LY96: variants seen among roughly 807,000 people sequenced by gnomAD.
LY96 encodes myeloid differentiation protein-2.
A neutral mutation model predicts 18.9 loss-of-function variants in LY96; 18 were observed. The observed-to-expected ratio is 0.95, with a 90% confidence interval of 0.66 to 1.41. The LOEUF is 1.41. Ranked by LOEUF, LY96 falls within the 40% of genes most tolerant of loss-of-function variation. The pLI is 0.00. For synonymous variants in LY96, 66 were observed against 62.6 expected (o/e 1.06, Z -0.26); for missense variants, 175 against 182.4 (o/e 0.96, Z 0.23).
the LY96 span, among the ~76,000 whole-genome samples, chr8:74,060,425 C>T: frequency 2.0e-5 from 3 of 152,200 alleles, no homozygotes; most frequent in Non-Finnish European, 4.4e-5. Context: ...GACTTTCAGT[C>T]GGGGTAATTA....
chr8:74,068,077 A>T, the LY96 span, among the ~76,000 whole-genome samples: 10 of 98,492 alleles, frequency 1.0e-4, no homozygotes, highest in African/African-American at 3.7e-4. Flanking sequence ...AAAAAAAAAA[A>T]AAAAAAAAAA....
the LY96 span, among the ~76,000 whole-genome samples, chr8:74,072,502 A>G: frequency 6.6e-6 from 1 of 152,178 alleles, no homozygotes; most frequent in Non-Finnish European, 1.5e-5. Flanking sequence ...TTTTTTCCCA[A>G]TATTTTGCTA....
chr8:74,028,810 A>C, intron 4 of LY96, 146 bp from the exon 5 acceptor site: 1 of 542,088 alleles, frequency 1.8e-6, no homozygotes, highest in Non-Finnish European at 3.3e-6. Flanking sequence ...TAATTCAAAG[A>C]CATGGAAAAT....
At chr8:74,011,724 T>C (rs978434755) in intron 3 of LY96, among the ~76,000 whole-genome samples, 20 of 152,066 alleles carry the variant, frequency 1.3e-4, no homozygotes, top group African/African-American at 4.8e-4. Context: ...CCAGGTGTGG[T>C]GGCATGCGCC....
At chr8:74,034,811 T>G in the LY96 span, among the ~76,000 whole-genome samples, 4 of 152,016 alleles carry the variant, frequency 2.6e-5, no homozygotes, top group Admixed American at 2.0e-4. Context: ...GGGGTGAGCA[T>G]GTGAGATTGT....
the LY96 span, among the ~76,000 whole-genome samples, chr8:74,078,640 G>A: frequency 6.6e-6 from 1 of 152,058 alleles, no homozygotes; most frequent in East Asian, 1.9e-4. Context: ...AGGGAATCTG[G>A]CAGCACCCCT....
chr8:74,050,346 TA>T, the LY96 span, among the ~76,000 whole-genome samples: 3 of 150,586 alleles, frequency 2.0e-5, no homozygotes, highest in Admixed American at 6.6e-5. Flanking sequence ...CTATCTCGAT[TA>T]AAAAAAAAGT....
chr8:74,008,158 C>T (rs994901375), intron 2 of LY96, among the ~76,000 whole-genome samples: 3 of 152,228 alleles, frequency 2.0e-5, no homozygotes, highest in Admixed American at 2.0e-4. Flanking sequence ...ATGTTCTTAA[C>T]GTGACCACAG....
At chr8:74,063,720 C>G in the LY96 span, among the ~76,000 whole-genome samples, 6 of 151,974 alleles carry the variant, frequency 3.9e-5, no homozygotes, top group African/African-American at 1.5e-4. Flanking sequence ...TCCTGTACAT[C>G]TTTTGTAAAA....
the LY96 span, among the ~76,000 whole-genome samples, chr8:74,095,764 C>T: frequency 2.6e-5 from 4 of 152,144 alleles, no homozygotes; most frequent in Non-Finnish European, 4.4e-5. Flanking sequence ...GACCTTAGAT[C>T]GCTCCTTTTT....
the LY96 span, among the ~76,000 whole-genome samples, chr8:74,059,437 C>T: frequency 6.6e-6 from 1 of 152,154 alleles, no homozygotes; most frequent in Non-Finnish European, 1.5e-5. Context: ...ATTTCTCTAT[C>T]AGATATAAAG....
chr8:74,082,644 C>T, the LY96 span, among the ~76,000 whole-genome samples: 2 of 152,142 alleles, frequency 1.3e-5, no homozygotes, highest in African/African-American at 4.8e-5. Context: ...AAGCAAAAGG[C>T]ATACACATTT....
chr8:73,994,872 C>G lies in LY96; in HGVS notation c.112+3318C>G, dbSNP rs191538950. 2.4e-3 allele frequency among the ~76,000 whole-genome samples: 372 copies of G among 152,274 alleles called. 1 individual carries two copies. Among genetic ancestry groups the G allele is most frequent in the African/African-American group, 8.5e-3 (355 of 41,568 alleles). On this transcript the variant is annotated intron_variant, in intron 1 of 4. Transcript: ENST00000284818. ...AACAAAAACCTATTTTTTCACAGTT[C>G]TGGAGGCTAGAAGTCCAAGATCAAG...
chr8:74,026,893 T>C lies in LY96; in HGVS notation c.384+52T>C, dbSNP rs749921627. On this transcript the variant is annotated intron_variant, in intron 4 of 4. Transcript: ENST00000284818. ...GTCTAACCTTTAGCAGTAATAGACA[T>C]GTTAAGCATTTGAAACAAGCAATTC... The C allele has an allele frequency of 4.2e-5, 38 of 907,664 alleles. No homozygotes were observed. The East Asian group carries it at 9.0e-4, about 21-fold the overall frequency. 56.2% of individuals were successfully genotyped at this position (907,664 alleles called of 1,614,324 possible).
At position 73,991,400 on chromosome 8, in the gene LY96, A is replaced by G. The variant is rs1186103562; in HGVS notation, c.-43A>G. The G allele has an allele frequency of 3.8e-6, 4 of 1,039,116 alleles. No individual in the cohort carries two copies. The highest frequency in any genetic ancestry group is 4.8e-5 in the East Asian group (2 of 42,092). 64.4% of individuals were successfully genotyped at this position (1,039,116 alleles called of 1,614,324 possible). A position where few individuals can be genotyped will look rare whatever the true frequency, so the allele number is the denominator to read the frequency against. On this transcript the variant is annotated 5_prime_UTR_variant, in exon 1 of 5. Coordinates refer to ENST00000284818, the MANE Select transcript of LY96 (RefSeq NM_015364.5). The stretch of plus-strand genomic sequence containing the variant: ...AAAAGGAAGAGTCTGATGATTAGTT[A>G]CTGATCCTCTTTGCATTTGTAAAGC...
chr8:74,006,366 T>G (rs1242839896), intron 2 of LY96, among the ~76,000 whole-genome samples: 3 of 152,038 alleles, frequency 2.0e-5, no homozygotes, highest in African/African-American at 7.2e-5. Context: ...CCTGGCTAAT[T>G]TTTGTATTTT....
Position 74,010,113 on chromosome 8 carries a change from C to T in LY96, c.315C>T (p.Cys105=), listed in dbSNP as rs1563714585. ...CRGSDDDYSF[C]RALKGETVNT... ...GATCTGATGACGATTACTCTTTTTG[C>T]AGAGCTCTGAAGGGAGGTAAGTATT... is the stretch of plus-strand genomic sequence containing the variant. The change falls in exon 3 of 5, where the codon TGC becomes TGT. Residue 105 remains cysteine, a synonymous_variant. Transcript: ENST00000284818. The T allele has an allele frequency of 6.2e-7, 1 of 1,612,838 alleles. No individual in the cohort carries two copies. Among genetic ancestry groups the T allele is most frequent in the Non-Finnish European group, 8.5e-7 (1 of 1,179,274 alleles).
At chr8:74,021,279 T>A (rs1316801308) in intron 3 of LY96, among the ~76,000 whole-genome samples, 1 of 152,186 alleles carries the variant, frequency 6.6e-6, no homozygotes, top group Non-Finnish European at 1.5e-5. Flanking sequence ...CAGACACTTT[T>A]CAAAAGAAGA....
At chr8:74,038,718 T>C in the LY96 span, among the ~76,000 whole-genome samples, 3 of 152,168 alleles carry the variant, frequency 2.0e-5, no homozygotes, top group African/African-American at 7.2e-5. Flanking sequence ...GGCTAAATAG[T>C]ATTCTATTGT....
Sources: allele counts gnomAD v4.1 joint callset (sites outside exome capture counted in the v4.1 genomes callset), GRCh38; gene constraint gnomAD v4.1.1; transcripts MANE v1.5; gene names NCBI Gene and HGNC (gene_info 2026-07-23, HGNC 2026-07-21).